FRMD4A: variants seen among roughly 807,000 people sequenced by gnomAD.
FRMD4A encodes FERM domain-containing protein 4A.
In FRMD4A, 29 loss-of-function variants were observed where a neutral mutation model predicts 129.1. The observed-to-expected ratio is 0.22, with a 90% CI of 0.17 to 0.31. The LOEUF (loss-of-function observed/expected upper bound fraction) is 0.31, where lower values mean the gene tolerates loss of function less well. FRMD4A is among the 10% of genes least tolerant of loss of function. FRMD4A has a pLI of 1.00. For missense variants in FRMD4A, 1,272 were observed against 1,375.8 expected (o/e 0.92, Z 1.19); for synonymous variants, 634 against 571.6 (o/e 1.11, Z -1.56).
intron 9 of FRMD4A, among the ~76,000 whole-genome samples, chr10:13,746,634 A>G (rs2091305403): frequency 6.6e-6 from 1 of 152,244 alleles, no homozygotes; most frequent in South Asian, 2.1e-4. Flanking sequence ...AGAAGTTGTC[A>G]TCAAAAGCAC....
chr10:14,240,486 T>C (rs970575726), intron 2 of FRMD4A, among the ~76,000 whole-genome samples: 5 of 152,172 alleles, frequency 3.3e-5, no homozygotes, highest in South Asian at 2.1e-4. Context: ...CTAGCAACTG[T>C]TGTTATGGGC....
intron 2 of FRMD4A, among the ~76,000 whole-genome samples, chr10:14,164,030 C>T (rs1348829819): frequency 6.6e-6 from 1 of 152,218 alleles, no homozygotes; most frequent in East Asian, 1.9e-4. Flanking sequence ...TCTCATTCCT[C>T]AGGGCCATCC....
Position 13,644,932 on chromosome 10 carries a change from G to A in FRMD4A, c.*2106C>T, listed in dbSNP as rs2081026355. The A allele has an allele frequency of 2.0e-5, 3 of 152,370 alleles. No individual in the cohort carries two copies. The highest frequency in any genetic ancestry group is 1.3e-4 in the Admixed American group (2 of 15,312). The allele number at this position is 152,370 out of a possible 1,614,324, so 9.4% of individuals were successfully genotyped here. On this transcript the variant is annotated 3_prime_UTR_variant, in exon 25 of 25. Coordinates refer to ENST00000357447, the MANE Select transcript of FRMD4A (RefSeq NM_018027.5). ...TATCCTGCAGGTGTACACTTAAAGC[G>A]TTCTGGGAATATGAATCCCTTCTGC...
At chr10:13,703,364 A>G (rs903535936) in intron 13 of FRMD4A, among the ~76,000 whole-genome samples, 1 of 152,150 alleles carries the variant, frequency 6.6e-6, no homozygotes, top group African/African-American at 2.4e-5. Flanking sequence ...CCCAGCCTGG[A>G]GAAGCTCAGA....
At chr10:14,015,821 T>C (rs955858117) in intron 2 of FRMD4A, among the ~76,000 whole-genome samples, 4 of 152,220 alleles carry the variant, frequency 2.6e-5, no homozygotes, top group Non-Finnish European at 2.9e-5. Context: ...TTTTAAAATA[T>C]ATAATTTAGT....
intron 2 of FRMD4A, among the ~76,000 whole-genome samples, chr10:14,270,727 T>TTA (rs1232291398): frequency 3.3e-5 from 5 of 152,180 alleles, no homozygotes; most frequent in Non-Finnish European, 7.3e-5. Flanking sequence ...TGAAACAACA[T>TTA]AAAACAGAAC....
At chr10:14,327,021 C>T (rs960138125) in intron 2 of FRMD4A, 13 of 398,378 alleles carry the variant, frequency 3.3e-5, no homozygotes, top group Middle Eastern at 6.2e-4. Flanking sequence ...GTGAGCTGTC[C>T]GTTGAAAGAA....
intron 2 of FRMD4A, among the ~76,000 whole-genome samples, chr10:14,048,097 G>A (rs998284685): frequency 3.3e-5 from 5 of 152,202 alleles, no homozygotes; most frequent in Non-Finnish European, 7.3e-5. Flanking sequence ...TCTTGTGGAG[G>A]AGAAGAAAGG....
chr10:13,919,714 G>T (rs143302444), intron 2 of FRMD4A, among the ~76,000 whole-genome samples: 1,675 of 152,242 alleles, frequency 0.011, 15 homozygotes, highest in African/African-American at 0.017. Context: ...GAGGTGGGCG[G>T]ATCACTTGAG....
intron 3 of FRMD4A, among the ~76,000 whole-genome samples, chr10:13,820,481 C>T (rs953793071): frequency 1.3e-5 from 2 of 151,860 alleles, no homozygotes; most frequent in African/African-American, 4.8e-5. Flanking sequence ...TTAACCTATT[C>T]CCTTGGGGCA....
At chr10:13,916,859 C>A (rs1457297293) in intron 2 of FRMD4A, among the ~76,000 whole-genome samples, 2 of 151,956 alleles carry the variant, frequency 1.3e-5, no homozygotes, top group African/African-American at 2.4e-5. Flanking sequence ...CATTTCCCCC[C>A]AAAAAAGAAA....
intron 2 of FRMD4A, among the ~76,000 whole-genome samples, chr10:13,956,217 C>G (rs1278989533): frequency 6.6e-6 from 1 of 152,106 alleles, no homozygotes; most frequent in South Asian, 2.1e-4. Context: ...CAGTGGCACA[C>G]TCTTGGCTCA....
At chr10:13,726,256 A>G (rs559492541) in intron 12 of FRMD4A, among the ~76,000 whole-genome samples, 7 of 152,336 alleles carry the variant, frequency 4.6e-5, no homozygotes, top group South Asian at 2.1e-4. Flanking sequence ...CCTGGGAGAC[A>G]GAGTGAGACC....
intron 2 of FRMD4A, among the ~76,000 whole-genome samples, chr10:14,295,658 A>G (rs1276617022): frequency 6.6e-6 from 1 of 152,160 alleles, no homozygotes; most frequent in African/African-American, 2.4e-5. Flanking sequence ...GATGGCGCTT[A>G]CAAAATCCAG....
At chr10:14,207,719 C>CACACAT (rs1554784847) in intron 2 of FRMD4A, among the ~76,000 whole-genome samples, 1 of 150,908 alleles carries the variant, frequency 6.6e-6, no homozygotes, top group African/African-American at 2.5e-5. Context: ...CACACACACA[C>CACACAT]GGAGGGAAGG....
chr10:13,865,449 TTTTATTTTA>T (rs972654372), intron 2 of FRMD4A, among the ~76,000 whole-genome samples: 1 of 146,390 alleles, frequency 6.8e-6, no homozygotes, highest in African/African-American at 2.6e-5. Flanking sequence ...TTTTATTTTA[TTTTATTTTA>T]TTTATTTTTA....
intron 2 of FRMD4A, among the ~76,000 whole-genome samples, chr10:14,019,050 A>G (rs1588789319): frequency 6.6e-6 from 1 of 152,202 alleles, no homozygotes; most frequent in East Asian, 1.9e-4. Context: ...AGAATGTTAG[A>G]AGGGAATATG....
chr10:13,970,657 C>G (rs914476780), intron 2 of FRMD4A, among the ~76,000 whole-genome samples: 5 of 152,142 alleles, frequency 3.3e-5, no homozygotes. Context: ...CACCCCCCTT[C>G]AAGAGCCAGG....
chr10:13,795,014 A>C (rs1480056932), intron 5 of FRMD4A, among the ~76,000 whole-genome samples: 3 of 152,204 alleles, frequency 2.0e-5, no homozygotes, highest in African/African-American at 7.2e-5. Flanking sequence ...GACGTCCACA[A>C]ATAATTCAGA....
Sources: allele counts gnomAD v4.1 joint callset (sites outside exome capture counted in the v4.1 genomes callset), GRCh38; gene constraint gnomAD v4.1.1; transcripts MANE v1.5; gene names NCBI Gene and HGNC (gene_info 2026-07-23, HGNC 2026-07-21).